NHS: variants seen among roughly 807,000 people sequenced by gnomAD.
The protein encoded by NHS is NHS actin remodeling regulator.
In NHS, 5 loss-of-function variants were observed where a neutral mutation model predicts 72.5. The ratio of observed to expected loss-of-function variants is 0.07; its 90% confidence interval spans 0.04 to 0.14. NHS has a LOEUF of 0.14. Ranked by LOEUF, NHS falls within the 10% of genes least tolerant of loss-of-function variation. NHS has a pLI of 1.00. For missense variants in NHS, 1,072 were observed against 1,355.7 expected (o/e 0.79, Z 3.29); for synonymous variants, 464 against 547.7 (o/e 0.85, Z 2.13).
intron 1 of NHS, among the ~76,000 whole-genome samples, chrX:17,528,008 C>T (rs2065181186): frequency 9.0e-6 from 1 of 111,512 alleles, no homozygotes; most frequent in African/African-American, 3.3e-5. Flanking sequence ...CCTTTCTGCT[C>T]CCAACCCCAC....
chrX:17,604,071 A>C (rs991531231), intron 1 of NHS, among the ~76,000 whole-genome samples: 12 of 111,323 alleles, frequency 1.1e-4, no homozygotes, highest in African/African-American at 3.9e-4. Context: ...AAAATGTATC[A>C]GTTAATAATA....
rs1216062505 is a variant in NHS, at chrX:17,635,237, G to T, written c.566-52505G>T. 5.4e-6 allele frequency: 5 copies of T among 931,038 alleles called. No individual in the cohort carries two copies. The African/African-American group carries it at 1.0e-4, about 19-fold the overall frequency. The allele number at this position is 931,038 out of a possible 1,213,427, so 76.7% of individuals were successfully genotyped here. On this transcript the variant is annotated intron_variant, in intron 1 of 8. Transcript: ENST00000676302. ...CCTAAACTGCTCCAGGGATGAAAAAGGAAAGTGCTAAGCCCCTCCTCTGGA... is the reference window on the plus strand; with the variant it reads ...CCTAAACTGCTCCAGGGATGAAAAATGAAAGTGCTAAGCCCCTCCTCTGGA...
intron 1 of NHS, among the ~76,000 whole-genome samples, chrX:17,470,706 C>T (rs1337609567): frequency 9.0e-6 from 1 of 111,026 alleles, no homozygotes; most frequent in Non-Finnish European, 1.9e-5. Flanking sequence ...ATTCTCTTTT[C>T]TCAAATATTC....
chrX:17,433,637 A>G (rs2064705632), intron 1 of NHS, among the ~76,000 whole-genome samples: 1 of 111,445 alleles, frequency 9.0e-6, no homozygotes, highest in African/African-American at 3.3e-5. Context: ...ACCTGAAAGG[A>G]TCCCTGCACT....
intron 1 of NHS, among the ~76,000 whole-genome samples, chrX:17,382,902 A>G (rs1342750591): frequency 8.9e-6 from 1 of 111,956 alleles, no homozygotes; most frequent in African/African-American, 3.2e-5. Context: ...GCTTGTTGGG[A>G]AGGCCAGAGG....
At chrX:17,429,273 C>T (rs1036377107) in intron 1 of NHS, among the ~76,000 whole-genome samples, 6 of 110,376 alleles carry the variant, frequency 5.4e-5, no homozygotes, top group Non-Finnish European at 9.5e-5. Flanking sequence ...CGTGCGCGCG[C>T]GCTATACAGA....
intron 1 of NHS, among the ~76,000 whole-genome samples, chrX:17,663,463 A>C (rs757586638): frequency 8.9e-6 from 1 of 112,332 alleles, no homozygotes; most frequent in African/African-American, 3.2e-5. Flanking sequence ...TCAAGAGCTT[A>C]TATAAATTGA....
At chrX:17,499,389 T>C (rs1280536075) in intron 1 of NHS, among the ~76,000 whole-genome samples, 1 of 111,765 alleles carries the variant, frequency 8.9e-6, no homozygotes, top group African/African-American at 3.2e-5. Flanking sequence ...CTATCCACTT[T>C]CCCCTAAATA....
At chrX:17,417,854 A>T (rs192753140) in intron 1 of NHS, among the ~76,000 whole-genome samples, 9 of 112,197 alleles carry the variant, frequency 8.0e-5, no homozygotes, top group Admixed American at 1.9e-4. Flanking sequence ...GATGAGAAAT[A>T]AAAGACCACG....
At chrX:17,687,972 A>G (rs953833431) in intron 2 of NHS, 78 bp downstream of exon 2, 1 of 1,053,991 alleles carries the variant, frequency 9.5e-7, no homozygotes, top group Middle Eastern at 3.5e-4. Flanking sequence ...CTGTCCCATC[A>G]GCCCCAACAC....
intron 3 of NHS, among the ~76,000 whole-genome samples, chrX:17,697,258 G>A (rs752215165): frequency 1.8e-5 from 2 of 110,613 alleles, no homozygotes; most frequent in East Asian, 2.8e-4. Context: ...TCAAGGACAC[G>A]CAGGAGTTGT....
intron 1 of NHS, among the ~76,000 whole-genome samples, chrX:17,492,277 A>C (rs1038126702): frequency 1.8e-5 from 2 of 112,362 alleles, no homozygotes; most frequent in African/African-American, 6.5e-5. Flanking sequence ...ATTTAGTGCT[A>C]TAAGTTTCCC....
intron 1 of NHS, among the ~76,000 whole-genome samples, chrX:17,583,832 T>C (rs1287665543): frequency 8.9e-6 from 1 of 112,629 alleles, no homozygotes; most frequent in African/African-American, 3.2e-5. Context: ...TGGTGGGTTG[T>C]AAATTGAATC....
intron 6 of NHS, 111 bp from the exon 7 acceptor site, chrX:17,725,234 GAA>G: frequency 1.1e-5 from 6 of 561,369 alleles, no homozygotes; most frequent in Non-Finnish European, 1.1e-5. Context: ...TTCTGTTAAA[GAA>G]AAAAAAAAAC....
chrX:17,431,742 G>A (rs992874692), intron 1 of NHS, among the ~76,000 whole-genome samples: 2 of 111,748 alleles, frequency 1.8e-5, no homozygotes, highest in African/African-American at 6.5e-5. Flanking sequence ...ACTTTCCCAG[G>A]GGATTTAATT....
chrX:17,392,022 A>T (rs1344360555), intron 1 of NHS, among the ~76,000 whole-genome samples: 10 of 111,922 alleles, frequency 8.9e-5, no homozygotes, highest in Non-Finnish European at 1.9e-4. Flanking sequence ...GCATGGCTAG[A>T]CTACATTTCC....
chrX:17,594,069 G>A (rs777465285), intron 1 of NHS, among the ~76,000 whole-genome samples: 5 of 112,187 alleles, frequency 4.5e-5, no homozygotes, highest in African/African-American at 1.6e-4. Flanking sequence ...AGGATACAAT[G>A]AACATCTAGT....
chrX:17,526,674 G>A (rs778160074), intron 1 of NHS, among the ~76,000 whole-genome samples: 26 of 112,073 alleles, frequency 2.3e-4, no homozygotes, highest in South Asian at 1.1e-3. Context: ...CAACTAATAC[G>A]TGACTGGCTA....
intron 1 of NHS, among the ~76,000 whole-genome samples, chrX:17,445,038 A>G (rs906924986): frequency 9.0e-6 from 1 of 111,570 alleles, no homozygotes; most frequent in African/African-American, 3.3e-5. Flanking sequence ...GAGTTTGGAA[A>G]TGCTTCCTTC....
Sources: allele counts gnomAD v4.1 joint callset (sites outside exome capture counted in the v4.1 genomes callset), GRCh38; gene constraint gnomAD v4.1.1; transcripts MANE v1.5; gene names NCBI Gene and HGNC (gene_info 2026-07-23, HGNC 2026-07-21).